The following CPEB4 variants were observed in gnomAD, a reference collection of about 807,000 sequenced individuals.
The protein encoded by CPEB4 is cytoplasmic polyadenylation element-binding protein 4.
CPEB4 carries 12 observed loss-of-function variants against 72.5 expected under a neutral mutation model. That is an observed-to-expected ratio of 0.17 (90% CI 0.11 to 0.27). CPEB4 has a LOEUF of 0.27. Among genes scored for constraint, CPEB4 ranks in the 10% least tolerant of loss-of-function variants. The pLI is 1.00. For synonymous variants in CPEB4, 302 were observed against 326.3 expected, an observed-to-expected ratio of 0.93 and a Z score of 0.80; for missense variants, 614 against 908.5, an observed-to-expected ratio of 0.68 and a Z score of 4.17.
chr5:173,950,046 T>G lies in CPEB4; in HGVS notation c.1633T>G (p.Cys545Gly). Residue 545 changes from cysteine to glycine, a missense_variant, in exon 7 of 10, where the codon TGT (cysteine) becomes GGT (glycine). Cys to Gly is a radical substitution (Grantham distance 159). Transcript: ENST00000265085. The surrounding 1 kb of genome is among the most constrained non-coding windows in gnomAD (Gnocchi z 5.0). ...TGAAGAAGATGGAAAACTCTACCTT[T>G]GTGTATCAAGTCCCACTATCAAGGA... ...CIEEDGKLYL[C>G]VSSPTIKDKP... is the part of the protein sequence containing the mutation. 1 of 1,610,560 alleles carries G rather than the reference T, an allele frequency of 6.2e-7. No homozygotes were observed. Among genetic ancestry groups the G allele is most frequent in the Non-Finnish European group, 8.5e-7 (1 of 1,178,006 alleles).
At position 173,890,372 on chromosome 5, in the gene CPEB4, T is replaced by G; in HGVS notation, c.639T>G (p.His213Gln). 1 of 1,614,178 alleles carries G rather than the reference T, an allele frequency of 6.2e-7. No homozygotes were observed. The highest frequency in any genetic ancestry group is 8.5e-7 in the Non-Finnish European group (1 of 1,180,024). ...TGTTGTTTCAAAATTTCCCCCATCATGTCAGCCCTGGCTTTGGAGGCAGCT... is the reference window on the plus strand; with the variant it reads ...TGTTGTTTCAAAATTTCCCCCATCAGGTCAGCCCTGGCTTTGGAGGCAGCT... ...GALLFQNFPH[H>Q]VSPGFGGSFS... The change falls in exon 1 of 10, where the codon CAT (histidine) becomes CAG (glutamine). Residue 213 changes from histidine to glutamine, a missense_variant. Coordinates refer to ENST00000265085, the MANE Select transcript of CPEB4 (RefSeq NM_030627.4).
intron 1 of CPEB4, among the ~76,000 whole-genome samples, chr5:173,895,632 A>T (rs1755978690): frequency 6.6e-6 from 1 of 152,192 alleles, no homozygotes; most frequent in Admixed American, 6.5e-5. Flanking sequence ...TCCAAGAAGG[A>T]TCTTTGCATA....
At chr5:173,940,279 T>A (rs1329900095) in intron 3 of CPEB4, among the ~76,000 whole-genome samples, 1 of 152,090 alleles carries the variant, frequency 6.6e-6, no homozygotes, top group Admixed American at 6.5e-5. Context: ...CTGAGCAGGG[T>A]TAGTTTGGCT....
intron 1 of CPEB4, among the ~76,000 whole-genome samples, chr5:173,902,068 A>G (rs1756256131): frequency 1.3e-5 from 2 of 152,214 alleles, no homozygotes; most frequent in East Asian, 1.9e-4. Flanking sequence ...GTGAATTTAC[A>G]TATTATTTAA....
At chr5:173,906,655 C>G (rs1171786729) in intron 1 of CPEB4, among the ~76,000 whole-genome samples, 2 of 152,164 alleles carry the variant, frequency 1.3e-5, no homozygotes, top group African/African-American at 4.8e-5. Flanking sequence ...CACCTTGCAT[C>G]TAATAGTACC....
chr5:173,959,271 TTC>T lies in CPEB4; in HGVS notation c.*3136_*3137del, dbSNP rs1369304067. On this transcript the variant is annotated 3_prime_UTR_variant, in exon 10 of 10. Transcript: ENST00000265085. ...ATTTTTGCAATGTAAAATAAAGTGT[TTC>T]TGATTATTTTCTATGTAAAGGAACC... The T allele has an allele frequency of 6.5e-6, 1 of 152,762 alleles. No individual in the cohort carries two copies. Among genetic ancestry groups the T allele is most frequent in the Non-Finnish European group, 1.5e-5 (1 of 68,020 alleles). 9.5% of individuals were successfully genotyped at this position (152,762 alleles called of 1,614,324 possible).
chr5:173,910,228 T>C (rs146066819), intron 1 of CPEB4, among the ~76,000 whole-genome samples: 76 of 152,240 alleles, frequency 5.0e-4, no homozygotes, highest in Admixed American at 4.1e-3. Context: ...TTTACACTTA[T>C]GTAATGTTCT....
At chr5:173,926,802 C>G (rs1008336372) in intron 2 of CPEB4, among the ~76,000 whole-genome samples, 2 of 152,330 alleles carry the variant, frequency 1.3e-5, no homozygotes, top group Middle Eastern at 3.4e-3. Context: ...CCTTCCTTCT[C>G]CCTTTAGAAA....
intron 1 of CPEB4, chr5:173,891,365 C>T (rs1755805033): frequency 6.6e-6 from 1 of 152,522 alleles, no homozygotes; most frequent in South Asian, 2.1e-4. Context: ...CTCTCTGAAC[C>T]TTGTAGGTCT....
At chr5:173,901,460 T>C (rs1158133863) in intron 1 of CPEB4, among the ~76,000 whole-genome samples, 1 of 152,230 alleles carries the variant, frequency 6.6e-6, no homozygotes, top group East Asian at 1.9e-4. Context: ...TCCCTCCTGC[T>C]TCAGATAATT....
At position 173,955,939 on chromosome 5, in the gene CPEB4, T is replaced by C. The variant is rs750247538; in HGVS notation, c.1992T>C (p.Asp664=). 1 of 1,614,048 alleles carries C rather than the reference T, an allele frequency of 6.2e-7. No homozygotes were observed. The highest frequency in any genetic ancestry group is 1.7e-5 in the Admixed American group (1 of 60,012). The change falls in exon 10 of 10, where the codon GAT becomes GAC. Residue 664 remains aspartate (D), a synonymous_variant. Coordinates refer to ENST00000265085, the MANE Select transcript of CPEB4 (RefSeq NM_030627.4). This position sits in a 1 kb window ranked among gnomAD's most constrained non-coding sequence, Gnocchi z 4.7. ...RVEVKPYVLD[D]QLCDECQGAR... Reference sequence around the variant, plus strand: ...AAGTTAAGCCATATGTCTTGGATGATCAGCTGTGTGATGAATGTCAGGGGG... The same window carrying C: ...AAGTTAAGCCATATGTCTTGGATGACCAGCTGTGTGATGAATGTCAGGGGG...
chr5:173,895,904 C>T (rs1277587764), intron 1 of CPEB4, among the ~76,000 whole-genome samples: 1 of 152,162 alleles, frequency 6.6e-6, no homozygotes. Context: ...GTTCCAACAC[C>T]TTTCAGGAAA....
intron 1 of CPEB4, among the ~76,000 whole-genome samples, chr5:173,901,658 G>T (rs1409462556): frequency 6.6e-6 from 1 of 152,194 alleles, no homozygotes; most frequent in South Asian, 2.1e-4. Flanking sequence ...TGACTTTGTA[G>T]GGCAATTAGT....
Position 173,889,550 on chromosome 5 carries a change from T to A in CPEB4, c.-184T>A. The A allele has an allele frequency of 2.0e-6, 1 of 494,964 alleles. No homozygotes were observed. 30.7% of individuals were successfully genotyped at this position (494,964 alleles called of 1,614,324 possible). Reference sequence around the variant, plus strand: ...AGATTTTTTTAAGAGTTGTTTTTTCTTTCAGAGACCAGAATTCCAAATCAG... The same window carrying A: ...AGATTTTTTTAAGAGTTGTTTTTTCATTCAGAGACCAGAATTCCAAATCAG... On this transcript the variant is annotated 5_prime_UTR_variant, in exon 1 of 10. Transcript: ENST00000265085.
rs117326206 is a variant in CPEB4, at chr5:173,931,988, C to T, written c.1208-462C>T. Among the ~76,000 whole-genome samples the T allele has an allele frequency of 2.6e-5, 4 of 152,290 alleles. No individual in the cohort carries two copies. The East Asian group carries it at 7.7e-4, about 29-fold the overall frequency. The stretch of plus-strand genomic sequence containing the variant: ...AAGTTTAGTGAAATGTTCTTCTTCC[C>T]TCTGAGAATATTTCCCCAAACCTGA... On this transcript the variant is annotated intron_variant, in intron 2 of 9. Coordinates refer to ENST00000265085, the MANE Select transcript of CPEB4 (RefSeq NM_030627.4).
intron 1 of CPEB4, among the ~76,000 whole-genome samples, chr5:173,896,894 C>G (rs1296794816): frequency 1.3e-5 from 2 of 152,124 alleles, no homozygotes; most frequent in Non-Finnish European, 2.9e-5. Context: ...GACCCCATCT[C>G]TAGAAAAAAT....
intron 6 of CPEB4, 143 bp downstream of exon 6, chr5:173,949,740 A>G: frequency 1.4e-6 from 1 of 692,874 alleles, no homozygotes; most frequent in Non-Finnish European, 2.4e-6. Flanking sequence ...ATTTCAACAT[A>G]ATATTCTTTT....
intron 3 of CPEB4, among the ~76,000 whole-genome samples, chr5:173,936,697 G>T (rs1317348685): frequency 6.6e-6 from 1 of 152,088 alleles, no homozygotes; most frequent in Non-Finnish European, 1.5e-5. Flanking sequence ...GAGTATCTTG[G>T]CTTAGCTCTG....
intron 2 of CPEB4, among the ~76,000 whole-genome samples, chr5:173,918,979 G>A (rs1179895610): frequency 1.3e-5 from 2 of 151,988 alleles, no homozygotes; most frequent in African/African-American, 4.8e-5. Flanking sequence ...GTAGATGGGG[G>A]AAGTATTATA....
Sources: gnomAD v4.1 joint callset for allele counts (sites outside exome capture counted in the v4.1 genomes callset) on GRCh38, gnomAD v4.1.1 for gene constraint, Gnocchi (gnomAD v3.1) non-coding constraint, MANE v1.5 for transcripts, NCBI Gene and HGNC (gene_info 2026-07-23, HGNC 2026-07-21) for gene names.